The following PRIM2 variants were observed in gnomAD, a reference collection of about 807,000 sequenced individuals.
The protein encoded by PRIM2 is DNA primase large subunit.
A neutral mutation model predicts 67.3 loss-of-function variants in PRIM2; 39 were observed. That is an observed-to-expected ratio of 0.58 (90% CI 0.45 to 0.76). The LOEUF (loss-of-function observed/expected upper bound fraction) is 0.76, where lower values mean the gene tolerates loss of function less well. PRIM2 is among the 30% of genes least tolerant of loss of function. The pLI, the probability that PRIM2 is intolerant of heterozygous loss-of-function variation, is 0.00. For missense variants in PRIM2, 398 were observed against 598.7 expected (o/e 0.66, Z 3.50); for synonymous variants, 143 against 198.7 (o/e 0.72, Z 2.36).
At chr6:57,363,872 C>G (rs1260905273) in intron 5 of PRIM2, among the ~76,000 whole-genome samples, 2 of 152,246 alleles carry the variant, frequency 1.3e-5, no homozygotes, top group African/African-American at 4.8e-5. Context: ...TCCTCTCTGT[C>G]TGGTGTGTTA....
At chr6:57,442,828 A>G (rs900844074) in intron 7 of PRIM2, among the ~76,000 whole-genome samples, 22 of 152,112 alleles carry the variant, frequency 1.4e-4, no homozygotes, top group Non-Finnish European at 2.5e-4. Context: ...GAAATGTGCA[A>G]TACCCTGTTA....
chr6:57,617,033 C>T (rs1776768551), intron 12 of PRIM2, among the ~76,000 whole-genome samples: 1 of 152,214 alleles, frequency 6.6e-6, no homozygotes, highest in South Asian at 2.1e-4. Context: ...GTTGTTTCCA[C>T]CAACTGGGTG....
At chr6:57,592,677 G>A (rs1776302124) in intron 10 of PRIM2, among the ~76,000 whole-genome samples, 1 of 152,042 alleles carries the variant, frequency 6.6e-6, no homozygotes, top group Non-Finnish European at 1.5e-5. Flanking sequence ...TGTAATCCCA[G>A]CTACTCAGGA....
intron 8 of PRIM2, among the ~76,000 whole-genome samples, chr6:57,530,425 G>A (rs1326417959): frequency 3.3e-5 from 5 of 152,158 alleles, no homozygotes; most frequent in African/African-American, 1.2e-4. Context: ...AGAATCTGAA[G>A]TTATCTTCAC....
intron 13 of PRIM2, among the ~76,000 whole-genome samples, chr6:57,635,372 A>G (rs1777101590): frequency 6.6e-6 from 1 of 152,226 alleles, no homozygotes; most frequent in African/African-American, 2.4e-5. Flanking sequence ...CATTTAGTAG[A>G]TGTTAAAAGC....
At chr6:57,589,245 G>T (rs1776244658) in intron 10 of PRIM2, among the ~76,000 whole-genome samples, 1 of 152,100 alleles carries the variant, frequency 6.6e-6, no homozygotes, top group Non-Finnish European at 1.5e-5. Flanking sequence ...CCTTTCTGTG[G>T]TCAGGAAAGT....
At chr6:57,398,012 T>C in intron 7 of PRIM2, among the ~76,000 whole-genome samples, 1 of 150,054 alleles carries the variant, frequency 6.7e-6, no homozygotes. Flanking sequence ...CAGGCTGGAG[T>C]GCAGTGGCGT....
At chr6:57,628,897 G>A (rs1473042363) in intron 12 of PRIM2, among the ~76,000 whole-genome samples, 7 of 152,100 alleles carry the variant, frequency 4.6e-5, no homozygotes, top group Non-Finnish European at 1.0e-4. Context: ...TCTGTTTCAC[G>A]CAGTGTACCT....
At chr6:57,478,261 G>A (rs1346280544) in intron 7 of PRIM2, among the ~76,000 whole-genome samples, 3 of 151,418 alleles carry the variant, frequency 2.0e-5, no homozygotes, top group Non-Finnish European at 4.4e-5. Context: ...AGTTGAACAA[G>A]TAAGAAAGAG....
At chr6:57,437,627 C>T (rs1772053808) in intron 7 of PRIM2, among the ~76,000 whole-genome samples, 1 of 148,094 alleles carries the variant, frequency 6.8e-6, no homozygotes, top group African/African-American at 2.5e-5. Flanking sequence ...ATTATCTGTA[C>T]ATTAACAACT....
rs1397893822 is a variant in PRIM2 at position 57,620,119 on chromosome 6, C to A, written c.1231-12014C>A. Among the ~76,000 whole-genome samples the A allele has an allele frequency of 2.6e-5, 4 of 152,182 alleles. No individual in the cohort carries two copies. The East Asian group carries it at 7.7e-4, about 29-fold the overall frequency. ...GCTGAGGCAGGAGAATCGCTTGAAC[C>A]TGGGAGGCTGAGGTTACAGTGAGCC... On this transcript the variant is annotated intron_variant, in intron 12 of 13. Transcript: ENST00000615550.
intron 12 of PRIM2, among the ~76,000 whole-genome samples, chr6:57,616,387 G>C (rs1288444921): frequency 6.6e-6 from 1 of 152,054 alleles, no homozygotes; most frequent in East Asian, 1.9e-4. Context: ...ATGCCTGACA[G>C]TGAAGCTGAA....
At chr6:57,467,119 AAG>A (rs1464739263) in intron 7 of PRIM2, among the ~76,000 whole-genome samples, 6 of 149,714 alleles carry the variant, frequency 4.0e-5, no homozygotes, top group South Asian at 2.1e-4. Flanking sequence ...AAAAAAAAAA[AAG>A]AAAAGAAAAA....
At chr6:57,599,068 T>TC (rs1776417563) in intron 10 of PRIM2, among the ~76,000 whole-genome samples, 1 of 59,024 alleles carries the variant, frequency 1.7e-5, no homozygotes, top group African/African-American at 1.2e-4. Flanking sequence ...TGCCTCAGCC[T>TC]CCCGAGTAGC....
rs1562689770 is a variant in PRIM2 at position 57,318,481 on chromosome 6, G to GT, written c.38dup (p.Leu13PhefsTer4). The GT allele has an allele frequency of 6.2e-7, 1 of 1,611,242 alleles. No homozygotes were observed. The highest frequency in any genetic ancestry group is 2.2e-5 in the East Asian group (1 of 44,850). ...CTGGAAGAAAGTGGAGGAAGCTGAGGTTGGCAGGTGACCAGAGGAATGCTT... is the reference window on the plus strand; with the variant it reads ...CTGGAAGAAAGTGGAGGAAGCTGAGGTTTGGCAGGTGACCAGAGGAATGCTT... On this transcript the variant is annotated frameshift_variant, in exon 2 of 14. Transcript: ENST00000615550. LOFTEE classifies it high-confidence loss of function.
chr6:57,515,644 CAT>C (rs1263496529), intron 8 of PRIM2, among the ~76,000 whole-genome samples: 4 of 152,172 alleles, frequency 2.6e-5, no homozygotes, highest in African/African-American at 9.7e-5. Context: ...TCACTCGTGT[CAT>C]ATGTCTGTGT....
the PRIM2 span, among the ~76,000 whole-genome samples, chr6:57,279,662 T>C: frequency 6.6e-6 from 1 of 152,266 alleles, no homozygotes; most frequent in East Asian, 1.9e-4. Context: ...ATTAGTCTCA[T>C]TAAAAAGTGG....
chr6:57,493,177 A>G (rs1188173130), intron 7 of PRIM2, among the ~76,000 whole-genome samples: 6 of 152,194 alleles, frequency 3.9e-5, no homozygotes, highest in Non-Finnish European at 7.4e-5. Flanking sequence ...ATTAGTGAGT[A>G]GCATCTTCAT....
At chr6:57,448,279 G>T (rs2127388805) in intron 7 of PRIM2, among the ~76,000 whole-genome samples, 1 of 152,158 alleles carries the variant, frequency 6.6e-6, no homozygotes, top group Middle Eastern at 3.4e-3. Context: ...GGATTTCACA[G>T]TAATGTAATG....
Sources: allele counts gnomAD v4.1 joint callset (sites outside exome capture counted in the v4.1 genomes callset), GRCh38; gene constraint gnomAD v4.1.1; transcripts MANE v1.5; gene names NCBI Gene and HGNC (gene_info 2026-07-23, HGNC 2026-07-21).